The following XKR4 variants were observed in gnomAD, a reference collection of about 807,000 sequenced individuals.
XKR4 encodes XK related 4.
Under a neutral mutation model 53.9 loss-of-function variants are expected in XKR4, and 12 were observed. The ratio of observed to expected loss-of-function variants is 0.22; its 90% confidence interval spans 0.14 to 0.36. XKR4 has a LOEUF of 0.36. Ranked by LOEUF, XKR4 falls within the 10% of genes least tolerant of loss-of-function variation. XKR4 has a pLI of 1.00. For synonymous variants in XKR4, 354 were observed against 362.4 expected, an observed-to-expected ratio of 0.98 and a Z score of 0.26; for missense variants, 799 against 859.5, an observed-to-expected ratio of 0.93 and a Z score of 0.88.
rs149775118 is a variant in XKR4, at chr8:55,456,207, G to A, written c.1007-67074G>A. ...AGCACTTTGGAAGGCCAAGGCGGGC[G>A]GATCACCTGAGGTAGGGATTTCGAG... On this transcript the variant is annotated intron_variant, in intron 2 of 2. Transcript: ENST00000327381. Among the ~76,000 whole-genome samples, 476 of 152,210 alleles carry A rather than the reference G, an allele frequency of 3.1e-3. 2 individuals are homozygous for A. Among genetic ancestry groups the A allele is most frequent in the African/African-American group, 0.011 (439 of 41,524 alleles).
chr8:55,231,248 T>A (rs961079264), intron 1 of XKR4, among the ~76,000 whole-genome samples: 7 of 152,228 alleles, frequency 4.6e-5, no homozygotes, highest in African/African-American at 1.7e-4. Flanking sequence ...AGGAATGAAC[T>A]GAAGTACGTA....
intron 2 of XKR4, among the ~76,000 whole-genome samples, chr8:55,430,915 T>C (rs1262135390): frequency 2.0e-5 from 3 of 152,248 alleles, no homozygotes; most frequent in South Asian, 4.1e-4. Context: ...AGTCACATTC[T>C]GAGGTACTGG....
chr8:55,241,718 G>A (rs1211673007), intron 1 of XKR4, among the ~76,000 whole-genome samples: 1 of 152,182 alleles, frequency 6.6e-6, no homozygotes, highest in Non-Finnish European at 1.5e-5. Flanking sequence ...GGAATGTGAT[G>A]TGAATACCTT....
chr8:55,497,542 C>T (rs1806370091), intron 2 of XKR4, among the ~76,000 whole-genome samples: 1 of 152,174 alleles, frequency 6.6e-6, no homozygotes, highest in Non-Finnish European at 1.5e-5. Context: ...ATTGTCTTCC[C>T]AAGAAGACCC....
chr8:55,288,110 ATTC>A (rs1274190484), intron 1 of XKR4, among the ~76,000 whole-genome samples: 3 of 152,174 alleles, frequency 2.0e-5, no homozygotes, highest in Non-Finnish European at 4.4e-5. Context: ...GCCCAAGACA[ATTC>A]TTCTTCCAAT....
intron 2 of XKR4, among the ~76,000 whole-genome samples, chr8:55,514,341 C>T (rs937085839): frequency 1.3e-5 from 2 of 151,034 alleles, no homozygotes; most frequent in Non-Finnish European, 2.9e-5. Context: ...ACTGCAACCT[C>T]CGCCTCCTAG....
At chr8:55,342,330 T>G (rs1105334) in intron 1 of XKR4, among the ~76,000 whole-genome samples, 10,781 of 152,048 alleles carry the variant, frequency 0.071, 1,086 homozygotes, top group African/African-American at 0.23. Context: ...CTAACAACCA[T>G]CATCACTTGC....
intron 2 of XKR4, among the ~76,000 whole-genome samples, chr8:55,415,265 T>A (rs1410574346): frequency 6.6e-6 from 1 of 152,226 alleles, no homozygotes; most frequent in Non-Finnish European, 1.5e-5. Flanking sequence ...CTGATTACCC[T>A]GTTAGGTTCA....
chr8:55,277,206 C>G (rs1818776325), intron 1 of XKR4, among the ~76,000 whole-genome samples: 1 of 152,174 alleles, frequency 6.6e-6, no homozygotes, highest in Admixed American at 6.5e-5. Context: ...TTATGTGCAT[C>G]TCTCAGCTAT....
intron 2 of XKR4, among the ~76,000 whole-genome samples, chr8:55,399,153 G>A (rs1804562685): frequency 4.6e-5 from 7 of 152,178 alleles, no homozygotes. Context: ...CCTCTCTTCT[G>A]ACACTGACTT....
At chr8:55,514,318 A>G (rs1806680555) in intron 2 of XKR4, among the ~76,000 whole-genome samples, 1 of 140,496 alleles carries the variant, frequency 7.1e-6, no homozygotes, top group African/African-American at 2.7e-5. Flanking sequence ...GTGCAGTGGC[A>G]TGATCTTGGC....
intron 2 of XKR4, among the ~76,000 whole-genome samples, chr8:55,384,553 G>A (rs1193037953): frequency 6.6e-6 from 1 of 152,202 alleles, no homozygotes; most frequent in Non-Finnish European, 1.5e-5. Flanking sequence ...GCAGTTCCAA[G>A]CAAGGACTCT....
chr8:55,376,908 A>C (rs1585545854), intron 2 of XKR4, among the ~76,000 whole-genome samples: 3 of 147,610 alleles, frequency 2.0e-5, no homozygotes, highest in East Asian at 2.0e-4. Context: ...CTCTGTCTCT[A>C]CCTCTCTCTC....
intron 1 of XKR4, among the ~76,000 whole-genome samples, chr8:55,175,245 C>T (rs1817214185): frequency 6.6e-6 from 1 of 152,026 alleles, no homozygotes; most frequent in Admixed American, 6.6e-5. Flanking sequence ...AAAGAGGTTT[C>T]AAAGATATTT....
At chr8:55,420,692 G>T (rs1027119181) in intron 2 of XKR4, among the ~76,000 whole-genome samples, 3 of 151,350 alleles carry the variant, frequency 2.0e-5, no homozygotes, top group Non-Finnish European at 2.9e-5. Context: ...GCTAGATGAC[G>T]AGTTAGTGGG....
chr8:55,132,322 C>T lies in XKR4; in HGVS notation c.806+29028C>T, dbSNP rs188656778. Among the ~76,000 whole-genome samples, 318 of 152,206 alleles carry T rather than the reference C, an allele frequency of 2.1e-3. 1 individual carries two copies. Among genetic ancestry groups the T allele is most frequent in the African/African-American group, 6.6e-3 (276 of 41,526 alleles). ...TTTTCCAATCCATGTGTATAGTTGT[C>T]CCCCCTTATCCACAAGGAATACACT... On this transcript the variant is annotated intron_variant, in intron 1 of 2. Coordinates refer to ENST00000327381, the MANE Select transcript of XKR4 (RefSeq NM_052898.2).
intron 1 of XKR4, among the ~76,000 whole-genome samples, chr8:55,240,596 A>T (rs1818197645): frequency 1.3e-5 from 2 of 152,194 alleles, no homozygotes. Context: ...ACAGAGGACA[A>T]TACGGAAAAT....
At chr8:55,478,016 C>A (rs559165280) in intron 2 of XKR4, among the ~76,000 whole-genome samples, 1 of 152,084 alleles carries the variant, frequency 6.6e-6, no homozygotes, top group African/African-American at 2.4e-5. Context: ...CCCAATCTAG[C>A]AAGGCAGGTC....
intron 2 of XKR4, among the ~76,000 whole-genome samples, chr8:55,370,618 G>A (rs1483354466): frequency 6.6e-6 from 1 of 152,128 alleles, no homozygotes; most frequent in Admixed American, 6.5e-5. Flanking sequence ...TAAAAATTAG[G>A]AGCAGCAGCC....
Sources: allele counts gnomAD v4.1 joint callset (sites outside exome capture counted in the v4.1 genomes callset), GRCh38; gene constraint gnomAD v4.1.1; transcripts MANE v1.5; gene names NCBI Gene and HGNC (gene_info 2026-07-23, HGNC 2026-07-21).